Variants in SLC16A7 observed in about 807,000 individuals in gnomAD.
SLC16A7 encodes the protein solute carrier family 16 member 7.
SLC16A7 carries 33 observed loss-of-function variants against 34.9 expected under a neutral mutation model. The observed-to-expected ratio is 0.94, with a 90% CI of 0.72 to 1.26. The LOEUF is 1.26. Ranked by LOEUF, SLC16A7 falls within the 50% of genes most tolerant of loss-of-function variation. The pLI, the probability that SLC16A7 is intolerant of heterozygous loss-of-function variation, is 0.00. For missense variants in SLC16A7, 573 were observed against 578.1 expected (o/e 0.99, Z 0.09); for synonymous variants, 201 against 206.6 (o/e 0.97, Z 0.23).
chr12:59,685,778 C>T (rs1359651497), intron 2 of SLC16A7, among the ~76,000 whole-genome samples: 2 of 151,984 alleles, frequency 1.3e-5, no homozygotes, highest in Non-Finnish European at 2.9e-5. Context: ...AAAAAATCTT[C>T]ATGTGATTTA....
intron 1 of SLC16A7, among the ~76,000 whole-genome samples, chr12:59,605,923 C>A (rs1878917784): frequency 6.6e-6 from 1 of 152,054 alleles, no homozygotes; most frequent in Non-Finnish European, 1.5e-5. Flanking sequence ...TTTTAGAGCC[C>A]CAGTTTTCTC....
chr12:59,661,266 G>A (rs1282593556), intron 2 of SLC16A7, among the ~76,000 whole-genome samples: 2 of 152,052 alleles, frequency 1.3e-5, no homozygotes, highest in African/African-American at 4.8e-5. Context: ...ACAATTGGAG[G>A]CTACTAAATT....
chr12:59,721,250 T>C (rs1795894), intron 3 of SLC16A7, among the ~76,000 whole-genome samples: 6,845 of 152,068 alleles, frequency 0.045, 494 homozygotes, highest in African/African-American at 0.16. Flanking sequence ...TCCTACTTCA[T>C]TCAGAAAGTT....
chr12:59,781,964 C>T lies in SLC16A7; in HGVS notation c.*2285C>T, dbSNP rs1288941175. On this transcript the variant is annotated 3_prime_UTR_variant, in exon 6 of 6. Coordinates refer to ENST00000547379, the MANE Select transcript of SLC16A7 (RefSeq NM_001270623.2). ...CATCCTCCTGGGTGCATTTCAGTGGCCTTCTCCAGGGAGGAGGTTTATTTA... is the reference window on the plus strand; with the variant it reads ...CATCCTCCTGGGTGCATTTCAGTGGTCTTCTCCAGGGAGGAGGTTTATTTA... The T allele has an allele frequency of 2.0e-5, 3 of 152,102 alleles. No homozygotes were observed. The highest frequency in any genetic ancestry group is 7.2e-5 in the African/African-American group (3 of 41,412). 9.4% of individuals were successfully genotyped at this position (152,102 alleles called of 1,614,324 possible).
rs142956239 is a variant in SLC16A7 at position 59,676,424 on chromosome 12, C to T, written c.-31+21174C>T. 8.3e-4 allele frequency among the ~76,000 whole-genome samples: 125 copies of T among 150,920 alleles called. 2 individuals are homozygous for T. The East Asian group carries it at 0.02, about 24-fold the overall frequency. On this transcript the variant is annotated intron_variant, in intron 2 of 5. Transcript: ENST00000547379. ...TCTTTTCTCTTTTGATGTTAAGTAG[C>T]TCCTGATTTTTTTTTAATTGTAGCT...
chr12:59,666,745 T>C (rs545842506), intron 2 of SLC16A7, among the ~76,000 whole-genome samples: 1 of 152,296 alleles, frequency 6.6e-6, no homozygotes, highest in South Asian at 2.1e-4. Context: ...TTAAACCTTT[T>C]TCCTTTATAA....
intron 2 of SLC16A7, among the ~76,000 whole-genome samples, chr12:59,679,078 AG>A (rs1308429937): frequency 1.3e-5 from 2 of 152,278 alleles, no homozygotes; most frequent in East Asian, 3.9e-4. Flanking sequence ...CTGAGCCTGA[AG>A]GGGCAGAGGG....
chr12:59,657,035 A>C (rs1667351734), intron 2 of SLC16A7, among the ~76,000 whole-genome samples: 1 of 151,888 alleles, frequency 6.6e-6, no homozygotes, highest in Non-Finnish European at 1.5e-5. Context: ...AATTTGTGTT[A>C]AGTACTTAGA....
chr12:59,623,315 C>T (rs557861646), intron 1 of SLC16A7, among the ~76,000 whole-genome samples: 2 of 151,608 alleles, frequency 1.3e-5, no homozygotes, highest in South Asian at 4.2e-4. Flanking sequence ...TTAGGGCTTT[C>T]AAATAGAAAA....
At chr12:59,655,586 T>C (rs1868493758) in intron 2 of SLC16A7, among the ~76,000 whole-genome samples, 1 of 151,964 alleles carries the variant, frequency 6.6e-6, no homozygotes, top group African/African-American at 2.4e-5. Flanking sequence ...TTTTTATTAC[T>C]AGCATGAATT....
chr12:59,603,132 T>C (rs1178367708), intron 1 of SLC16A7, among the ~76,000 whole-genome samples: 1 of 152,236 alleles, frequency 6.6e-6, no homozygotes, highest in Non-Finnish European at 1.5e-5. Flanking sequence ...TTTATTTCTA[T>C]TCTGTTGTTG....
At chr12:59,671,973 C>G (rs7966913) in intron 2 of SLC16A7, among the ~76,000 whole-genome samples, 3 of 4,434 alleles carry the variant, frequency 6.8e-4, no homozygotes, top group African/African-American at 3.0e-3. Flanking sequence ...GTGTATATAT[C>G]CATATATCCG....
chr12:59,648,530 C>G (rs776744894), intron 1 of SLC16A7, among the ~76,000 whole-genome samples: 1 of 151,952 alleles, frequency 6.6e-6, no homozygotes, highest in Admixed American at 6.6e-5. Context: ...ACTGAAGATT[C>G]AGGTATGTAA....
At chr12:59,730,997 A>G (rs1321190790) in intron 3 of SLC16A7, among the ~76,000 whole-genome samples, 1 of 152,174 alleles carries the variant, frequency 6.6e-6, no homozygotes, top group Non-Finnish European at 1.5e-5. Flanking sequence ...AATCTAAAGC[A>G]TACATGTTTG....
At chr12:59,669,089 C>A (rs1046710353) in intron 2 of SLC16A7, among the ~76,000 whole-genome samples, 2 of 152,062 alleles carry the variant, frequency 1.3e-5, no homozygotes, top group Non-Finnish European at 2.9e-5. Context: ...TGAGAACGGA[C>A]TAATACAGAG....
intron 1 of SLC16A7, among the ~76,000 whole-genome samples, chr12:59,629,608 A>G (rs1880087202): frequency 6.6e-6 from 1 of 152,010 alleles, no homozygotes; most frequent in Non-Finnish European, 1.5e-5. Flanking sequence ...AGCCATTGCT[A>G]TAAAAGCCTT....
In SLC16A7 at chr12:59,780,468, A is replaced by G. The variant is rs1275029549; in HGVS notation, c.*789A>G. ...TCCATGCACATGATTTTTTTTGAGTAGGGAGCATTAGTACCTGGTGCTAGA... is the reference window on the plus strand; with the variant it reads ...TCCATGCACATGATTTTTTTTGAGTGGGGAGCATTAGTACCTGGTGCTAGA... On this transcript the variant is annotated 3_prime_UTR_variant, in exon 6 of 6. Transcript: ENST00000547379. 6.6e-6 allele frequency: 1 copy of G among 152,090 alleles called. No individual in the cohort carries two copies. Among genetic ancestry groups the G allele is most frequent in the Non-Finnish European group, 1.5e-5 (1 of 67,990 alleles). The allele number at this position is 152,090 out of a possible 1,614,324, so 9.4% of individuals were successfully genotyped here.
chr12:59,612,903 GT>G (rs1410084533), intron 1 of SLC16A7, among the ~76,000 whole-genome samples: 3 of 152,170 alleles, frequency 2.0e-5, no homozygotes, highest in Non-Finnish European at 2.9e-5. Context: ...TCTTTATGAA[GT>G]TCCAAACTTT....
At chr12:59,613,254 A>G (rs1225489895) in intron 1 of SLC16A7, among the ~76,000 whole-genome samples, 1 of 152,222 alleles carries the variant, frequency 6.6e-6, no homozygotes, top group Non-Finnish European at 1.5e-5. Context: ...TTATAAAACC[A>G]TCAGATCTTG....
Sources: gnomAD v4.1 joint callset for allele counts (sites outside exome capture counted in the v4.1 genomes callset) on GRCh38, gnomAD v4.1.1 for gene constraint, MANE v1.5 for transcripts, NCBI Gene and HGNC (gene_info 2026-07-23, HGNC 2026-07-21) for gene names.